Variants in ARX observed in about 807,000 individuals in gnomAD.
ARX encodes the protein aristaless related homeobox.
A neutral mutation model predicts 23.1 loss-of-function variants in ARX; 1 was observed. That is an observed-to-expected ratio of 0.04 (90% CI 0.02 to 0.21). The LOEUF (loss-of-function observed/expected upper bound fraction) is 0.21. Among genes scored for constraint, ARX ranks in the 10% least tolerant of loss-of-function variants. The pLI is 1.00. For synonymous variants in ARX, 301 were observed against 270.1 expected, an observed-to-expected ratio of 1.11 and a Z score of -1.12; for missense variants, 380 against 527.5, an observed-to-expected ratio of 0.72 and a Z score of 2.74.
rs923672115 is a variant in ARX, at chrX:25,007,296, C to T, written c.1263G>A (p.Pro421=). The part of the protein sequence containing the change: ...SPYLDASPFP[P]HHPALDSAWT... ...AAGCGGAGTCGAGCGCCGGGTGGTG[C>T]GGAGGGAAGGGGCTGGCGTCCAGGT... The change falls in exon 4 of 5, where the codon CCG becomes CCA. Residue 421 remains proline, a synonymous_variant. Coordinates refer to ENST00000379044, the MANE Select transcript of ARX (RefSeq NM_139058.3). 3.6e-6 allele frequency: 4 copies of T among 1,119,461 alleles called. No homozygotes were observed. The highest frequency in any genetic ancestry group is 4.7e-6 in the Non-Finnish European group (4 of 857,014). 92.3% of individuals were successfully genotyped at this position (1,119,461 alleles called of 1,213,427 possible).
At chrX:25,011,241 A>G (rs888977761) in intron 2 of ARX, among the ~76,000 whole-genome samples, 1 of 111,783 alleles carries the variant, frequency 8.9e-6, no homozygotes, top group Non-Finnish European at 1.9e-5. Flanking sequence ...CCAGAGGTAA[A>G]CCGTCTCCAT....
At position 25,015,631 on chromosome X, in the gene ARX, C is replaced by T; in HGVS notation, c.107G>A (p.Arg36Lys). ...SYCIDSILGR[R>K]SPCKMRLLGA... is the part of the protein sequence containing the mutation. Reference sequence around the variant, plus strand: ...CAGCAACCGCATTTTGCACGGGCTCCTCCGGCCCAGGATGCTGTCGATGCA... The same window carrying T: ...CAGCAACCGCATTTTGCACGGGCTCTTCCGGCCCAGGATGCTGTCGATGCA... The change falls in exon 1 of 5, where the codon AGG becomes AAG. Residue 36 changes from arginine (R) to lysine (K), a missense_variant. By Grantham distance (26) the Arg-to-Lys change is conservative. Around this residue, in one of 3 missense-constraint regions of ARX, gnomAD observed 235 missense variants for 270.2 expected, o/e 0.87. Coordinates refer to ENST00000379044, the MANE Select transcript of ARX (RefSeq NM_139058.3). 1 of 1,210,287 alleles carries T rather than the reference C, an allele frequency of 8.3e-7. No homozygotes were observed. Among genetic ancestry groups the T allele is most frequent in the East Asian group, 3.0e-5 (1 of 33,822 alleles).
At chrX:25,015,115 T>A (rs2048721168) in intron 1 of ARX, among the ~76,000 whole-genome samples, 1 of 111,505 alleles carries the variant, frequency 9.0e-6, no homozygotes, top group Admixed American at 9.4e-5. Context: ...TATACAGAAA[T>A]CTTCCAAAGA....
chrX:25,014,729 C>T lies in ARX; in HGVS notation c.196+813G>A, dbSNP rs1261681581. ...ATTTAAATGCCCCCTTCTCAACCGT[C>T]TGCTCCTGCCATCCAAATTGCGCTA... On this transcript the variant is annotated intron_variant, in intron 1 of 4. Transcript: ENST00000379044. Among the ~76,000 whole-genome samples the T allele has an allele frequency of 2.7e-5, 3 of 112,501 alleles. No individual in the cohort carries two copies. The East Asian group carries it at 8.3e-4, about 31-fold the overall frequency.
rs398124510 is a variant in ARX at position 25,013,530 on chromosome X, G to GGCCGCGGCGGCCGCGGCCGCGGCT, written c.441_464dup (p.Ala148_Ala155dup). Reference sequence around the variant, plus strand: ...CCTGGCTGATCTTGAGCGTGTCCCAGGCCGCGGCGGCCGCGGCCGCGGCTG... The same window carrying GGCCGCGGCGGCCGCGGCCGCGGCT: ...CCTGGCTGATCTTGAGCGTGTCCCAGGCCGCGGCGGCCGCGGCCGCGGCTGCCGCGGCGGCCGCGGCCGCGGCTG... On this transcript the variant is annotated inframe_insertion, in exon 2 of 5. Transcript: ENST00000379044. The GGCCGCGGCGGCCGCGGCCGCGGCT allele has an allele frequency of 2.5e-6, 2 of 813,857 alleles. No homozygotes were observed. The highest frequency in any genetic ancestry group is 2.9e-6 in the Non-Finnish European group (2 of 682,534). The allele number at this position is 813,857 out of a possible 1,213,427, so 67.1% of individuals were successfully genotyped here.
chrX:25,013,716 C>A lies in ARX; in HGVS notation c.279G>T (p.Gly93=), dbSNP rs1299202405. 3.3e-6 allele frequency: 3 copies of A among 913,502 alleles called. No individual in the cohort carries two copies. The highest frequency in any genetic ancestry group is 4.2e-5 in the African/African-American group (2 of 47,689). 75.3% of individuals were successfully genotyped at this position (913,502 alleles called of 1,213,427 possible). The change falls in exon 2 of 5, where the codon GGG becomes GGT. Residue 93 remains glycine, a synonymous_variant. Coordinates refer to ENST00000379044, the MANE Select transcript of ARX (RefSeq NM_139058.3). ...PKLRRLYGPG[G]GRLLQGAAAA... ...CTGCCGCACCCTGAAGGAGGCGGCC[C>A]CCGCCCGGGCCGTACAGGCGCCGCA...
At position 25,004,650 on chromosome X, in the gene ARX, G is replaced by C; in HGVS notation, c.*20C>G. On this transcript the variant is annotated 3_prime_UTR_variant, in exon 5 of 5. Coordinates refer to ENST00000379044, the MANE Select transcript of ARX (RefSeq NM_139058.3). ...TGACCTTTCGGGGCGCGCGCGGGGC[G>C]CGGGTGTGGAGGGCAGCCTTTAGCA... The C allele has an allele frequency of 8.6e-7, 1 of 1,164,537 alleles. No individual in the cohort carries two copies. The highest frequency in any genetic ancestry group is 1.1e-6 in the Non-Finnish European group (1 of 872,748).
At chrX:25,011,614 C>G (rs1193355345) in intron 2 of ARX, among the ~76,000 whole-genome samples, 1 of 113,291 alleles carries the variant, frequency 8.8e-6, no homozygotes, top group South Asian at 3.6e-4. Context: ...CTGGGTGACA[C>G]AGGGGAAGAC....
intron 2 of ARX, among the ~76,000 whole-genome samples, chrX:25,011,605 T>C (rs1421970983): frequency 8.8e-6 from 1 of 113,441 alleles, no homozygotes; most frequent in Non-Finnish European, 1.9e-5. Context: ...AGGAAAGGAC[T>C]GGGTGACACA....
chrX:25,012,541 C>A (rs1156861470), intron 2 of ARX, among the ~76,000 whole-genome samples: 3 of 112,932 alleles, frequency 2.7e-5, no homozygotes, highest in Non-Finnish European at 5.6e-5. Context: ...GGGACCTAGC[C>A]GGGACCGCAG....
chrX:25,004,299 G>A lies in ARX; in HGVS notation c.*371C>T, dbSNP rs1308450652. On this transcript the variant is annotated 3_prime_UTR_variant, in exon 5 of 5. Coordinates refer to ENST00000379044, the MANE Select transcript of ARX (RefSeq NM_139058.3). ...AAAGAAAGAAAGAAAGAAAAGAAAG[G>A]CTAAGTGGGGTGTCAGGAGGAAGAG... is the stretch of plus-strand genomic sequence containing the variant. The A allele has an allele frequency of 5.6e-6, 1 of 178,129 alleles. No individual in the cohort carries two copies. Among genetic ancestry groups the A allele is most frequent in the African/African-American group, 3.1e-5 (1 of 32,144 alleles). 14.7% of individuals were successfully genotyped at this position (178,129 alleles called of 1,213,427 possible). A position where few individuals can be genotyped will look rare whatever the true frequency, so the allele number is the denominator to read the frequency against.
rs1442754910 is a variant in ARX, at chrX:25,004,454, C to T, written c.*216G>A. On this transcript the variant is annotated 3_prime_UTR_variant, in exon 5 of 5. Coordinates refer to ENST00000379044, the MANE Select transcript of ARX (RefSeq NM_139058.3). Reference sequence around the variant, plus strand: ...GGAGCGAGGTTGGCAGTAGCAGGGGCAGGGGCAGGGGCGGGTGGACAGCCA... The same window carrying T: ...GGAGCGAGGTTGGCAGTAGCAGGGGTAGGGGCAGGGGCGGGTGGACAGCCA... The T allele has an allele frequency of 9.7e-6, 5 of 515,217 alleles. No homozygotes were observed. The highest frequency in any genetic ancestry group is 1.5e-5 in the Non-Finnish European group (5 of 323,781). The allele number at this position is 515,217 out of a possible 1,213,427, so 42.5% of individuals were successfully genotyped here.
chrX:25,013,950 C>T, intron 1 of ARX, 152 bp from the exon 2 acceptor site: 1 of 818,551 alleles, frequency 1.2e-6, no homozygotes. Flanking sequence ...TGGCCTCTTT[C>T]TCCACTTTTC....
Position 25,015,939 on chromosome X carries a change from C to A in ARX, c.-202G>T. 2.1e-6 allele frequency: 1 copy of A among 466,522 alleles called. No homozygotes were observed. Among genetic ancestry groups the A allele is most frequent in the Admixed American group, 3.2e-5 (1 of 30,868 alleles). 38.4% of individuals were successfully genotyped at this position (466,522 alleles called of 1,213,427 possible). On this transcript the variant is annotated 5_prime_UTR_variant, in exon 1 of 5. Coordinates refer to ENST00000379044, the MANE Select transcript of ARX (RefSeq NM_139058.3). ...GCGGCCCGAGCTCGCCCTCTCCGCGCTCAGGACAAGCGGTAACAAGTGTAG... is the reference window on the plus strand; with the variant it reads ...GCGGCCCGAGCTCGCCCTCTCCGCGATCAGGACAAGCGGTAACAAGTGTAG...
rs1429358332 is a variant in ARX, at chrX:25,004,495, C to T, written c.*175G>A. Reference sequence around the variant, plus strand: ...TGGACAGCCAGCCGAGGAGGTGCCACGTCCCGGAGCGCCGAGGGCTGCCAT... The same window carrying T: ...TGGACAGCCAGCCGAGGAGGTGCCATGTCCCGGAGCGCCGAGGGCTGCCAT... On this transcript the variant is annotated 3_prime_UTR_variant, in exon 5 of 5. Coordinates refer to ENST00000379044, the MANE Select transcript of ARX (RefSeq NM_139058.3). 18 of 859,457 alleles carry T rather than the reference C, an allele frequency of 2.1e-5. No homozygotes were observed. The highest frequency in any genetic ancestry group is 3.0e-5 in the Admixed American group (1 of 33,422). The allele number at this position is 859,457 out of a possible 1,213,427, so 70.8% of individuals were successfully genotyped here. A position where few individuals can be genotyped will look rare whatever the true frequency, so the allele number is the denominator to read the frequency against.
At chrX:25,015,432 C>G (rs2147325281) in intron 1 of ARX, 110 bp downstream of exon 1, 1 of 990,451 alleles carries the variant, frequency 1.0e-6, no homozygotes, top group East Asian at 3.3e-5. Context: ...GTTATGCCCT[C>G]TCCTTCCTTC....
In ARX at chrX:25,004,905, A is replaced by G; in HGVS notation, c.1454T>C (p.Phe485Ser). ...AFISPAFGRLFSTMAPLTSAS... is the reference protein window; with the variant it reads ...AFISPAFGRLSSTMAPLTSAS... ...GCTGGTCAGGGGGGCCATTGTGGAAAAGAGCCTGCAGGGAGAGCAAACAGC... is the reference window on the plus strand; with the variant it reads ...GCTGGTCAGGGGGGCCATTGTGGAAGAGAGCCTGCAGGGAGAGCAAACAGC... Residue 485 changes from phenylalanine (F) to serine (S), a missense_variant, in exon 5 of 5, where the codon TTT becomes TCT. By Grantham distance (155) the Phe-to-Ser change is radical. This residue lies in a region of ARX where 121 missense variants were observed against 169.7 expected (regional missense o/e 0.71). Transcript: ENST00000379044. 1 of 1,131,990 alleles carries G rather than the reference A, an allele frequency of 8.8e-7. No homozygotes were observed. The highest frequency in any genetic ancestry group is 2.2e-5 in the South Asian group (1 of 45,310). 93.3% of individuals were successfully genotyped at this position (1,131,990 alleles called of 1,213,427 possible). A position where few individuals can be genotyped will look rare whatever the true frequency, so the allele number is the denominator to read the frequency against.
At position 25,004,909 on chromosome X, in the gene ARX, G is replaced by A. The variant is rs752649243; in HGVS notation, c.1450C>T (p.Leu484Phe). Residue 484 changes from leucine to phenylalanine, a missense_variant and splice_region_variant, in exon 5 of 5, where the codon CTC becomes TTC. Transcript: ENST00000379044. ...GTCAGGGGGGCCATTGTGGAAAAGA[G>A]CCTGCAGGGAGAGCAAACAGCGCGG... ...PAFISPAFGR[L>F]FSTMAPLTSA... is the part of the protein sequence containing the mutation. 2.7e-6 allele frequency: 3 copies of A among 1,125,872 alleles called. No individual in the cohort carries two copies. The Admixed American group carries it at 9.0e-5, about 34-fold the overall frequency. 92.8% of individuals were successfully genotyped at this position (1,125,872 alleles called of 1,213,427 possible).
chrX:25,011,190 C>T lies in ARX; in HGVS notation c.1074-885G>A, dbSNP rs183335816. 9.8e-3 allele frequency among the ~76,000 whole-genome samples: 1,103 copies of T among 112,492 alleles called. 13 individuals carry two copies. The highest frequency in any genetic ancestry group is 0.033 in the African/African-American group (1,018 of 30,949). ...CGCCGAAGCCTGGGACCTGGGGTTG[C>T]CCTGCCGGTAGGCCCCCAGTCCACA... On this transcript the variant is annotated intron_variant, in intron 2 of 4. Coordinates refer to ENST00000379044, the MANE Select transcript of ARX (RefSeq NM_139058.3).
Sources: allele counts gnomAD v4.1 joint callset (sites outside exome capture counted in the v4.1 genomes callset), GRCh38; gene constraint gnomAD v4.1.1; regional missense constraint gnomAD v4.1.1; transcripts MANE v1.5; gene names NCBI Gene and HGNC (gene_info 2026-07-23, HGNC 2026-07-21).